The following STX3 variants were observed in gnomAD, a reference collection of about 807,000 sequenced individuals.
The protein encoded by STX3 is syntaxin 3.
STX3 carries 19 observed loss-of-function variants against 40.2 expected under a neutral mutation model. That is an observed-to-expected ratio of 0.47 (90% confidence interval 0.33 to 0.69). The LOEUF is 0.69. Among genes scored for constraint, STX3 ranks in the 30% least tolerant of loss-of-function variants. The pLI is 0.02. For missense variants in STX3, 364 were observed against 366.7 expected (o/e 0.99, Z 0.06); for synonymous variants, 122 against 132.2 (o/e 0.92, Z 0.53).
In STX3 at chr11:59,801,956, A is replaced by C. The variant is rs1865903030; in HGVS notation, c.*1132A>C. 1 of 985,342 alleles carries C rather than the reference A, an allele frequency of 1.0e-6. No homozygotes were observed. Among genetic ancestry groups the C allele is most frequent in the African/African-American group, 1.7e-5 (1 of 57,236 alleles). The allele number at this position is 985,342 out of a possible 1,614,324, so 61.0% of individuals were successfully genotyped here. On this transcript the variant is annotated 3_prime_UTR_variant, in exon 11 of 11. Transcript: ENST00000337979. ...TTGTTTTCTGGATGAATACTGGGAG[A>C]ATAAAATGAGAACTCTGGAGTGAGC...
intron 1 of STX3, among the ~76,000 whole-genome samples, chr11:59,763,642 T>C (rs1164593400): frequency 1.3e-5 from 2 of 152,222 alleles, no homozygotes; most frequent in Non-Finnish European, 2.9e-5. Flanking sequence ...CCCAGGCTAA[T>C]CCATATTGGA....
chr11:59,800,153 C>CT (rs1197359087), intron 10 of STX3: 18 of 985,242 alleles, frequency 1.8e-5, no homozygotes, highest in Middle Eastern at 5.2e-4. Flanking sequence ...TGTTAAGCTG[C>CT]TTTTTTTGTA....
Position 59,802,532 on chromosome 11 carries a change from C to A in STX3, c.*1708C>A. 1 of 985,846 alleles carries A rather than the reference C, an allele frequency of 1.0e-6. No individual in the cohort carries two copies. Among genetic ancestry groups the A allele is most frequent in the Non-Finnish European group, 1.2e-6 (1 of 829,926 alleles). The allele number at this position is 985,846 out of a possible 1,614,324, so 61.1% of individuals were successfully genotyped here. ...ATGTCAGACAGTGGATGGGCTCCAGCAACAAGAGACAAAATAACTAAAGGC... is the reference window on the plus strand; with the variant it reads ...ATGTCAGACAGTGGATGGGCTCCAGAAACAAGAGACAAAATAACTAAAGGC... On this transcript the variant is annotated 3_prime_UTR_variant, in exon 11 of 11. Coordinates refer to ENST00000337979, the MANE Select transcript of STX3 (RefSeq NM_004177.5).
chr11:59,792,728 G>A (rs545638757), intron 6 of STX3, among the ~76,000 whole-genome samples: 24 of 152,296 alleles, frequency 1.6e-4, no homozygotes, highest in South Asian at 1.2e-3. Context: ...GTTTAGGAGT[G>A]GCAGGTTGTC....
At chr11:59,766,150 CT>C (rs1863273462) in intron 1 of STX3, among the ~76,000 whole-genome samples, 1 of 152,188 alleles carries the variant, frequency 6.6e-6, no homozygotes, top group Non-Finnish European at 1.5e-5. Context: ...GGTCTGGCAC[CT>C]GTGGCAGGAA....
chr11:59,786,759 T>A (rs2134992101), intron 2 of STX3, among the ~76,000 whole-genome samples: 1 of 152,298 alleles, frequency 6.6e-6, no homozygotes, highest in Middle Eastern at 3.4e-3. Context: ...TTTTCTTAGC[T>A]CTTCTTGACT....
At chr11:59,777,983 G>A (rs1401237519) in intron 2 of STX3, among the ~76,000 whole-genome samples, 1 of 152,166 alleles carries the variant, frequency 6.6e-6, no homozygotes, top group African/African-American at 2.4e-5. Context: ...CAAGGGAAAA[G>A]CTCAGCAGAG....
chr11:59,789,297 G>T, intron 4 of STX3: 1 of 215,234 alleles, frequency 4.6e-6, no homozygotes, highest in South Asian at 6.2e-5. Context: ...CCCCCAGGCT[G>T]GAGTGCAGTG....
intron 1 of STX3, 129 bp downstream of exon 1, chr11:59,755,764 C>A: frequency 2.3e-6 from 3 of 1,279,440 alleles, no homozygotes; most frequent in South Asian, 1.6e-5. Context: ...GCCCCCACCG[C>A]TTCCCGCGCC....
At chr11:59,765,383 A>T (rs113780216) in intron 1 of STX3, among the ~76,000 whole-genome samples, 8 of 152,104 alleles carry the variant, frequency 5.3e-5, no homozygotes, top group Admixed American at 5.2e-4. Context: ...CAGTGTGCAC[A>T]TGGGTGTGTG....
intron 1 of STX3, among the ~76,000 whole-genome samples, chr11:59,769,425 A>C (rs1333039620): frequency 6.6e-6 from 1 of 152,142 alleles, no homozygotes; most frequent in African/African-American, 2.4e-5. Context: ...TTCAGTCCTC[A>C]TAAAGGTCAT....
At chr11:59,773,400 AG>A (rs1481971936) in intron 2 of STX3, 106 bp downstream of exon 2, 1 of 1,113,054 alleles carries the variant, frequency 9.0e-7, no homozygotes, top group Non-Finnish European at 1.3e-6. Flanking sequence ...GGAAGGTCAC[AG>A]TTTTTTGCTA....
intron 2 of STX3, among the ~76,000 whole-genome samples, chr11:59,782,486 CTAATT>C (rs1864456501): frequency 6.6e-6 from 1 of 152,224 alleles, no homozygotes; most frequent in Non-Finnish European, 1.5e-5. Flanking sequence ...CATGTATTGT[CTAATT>C]TAATCTTCAC....
At chr11:59,760,741 A>G (rs1247060229) in intron 1 of STX3, among the ~76,000 whole-genome samples, 2 of 152,200 alleles carry the variant, frequency 1.3e-5, no homozygotes, top group East Asian at 3.8e-4. Context: ...TTTACAAGTG[A>G]AGGAATTGAG....
chr11:59,773,800 CA>C (rs1863792299), intron 2 of STX3, among the ~76,000 whole-genome samples: 1 of 151,808 alleles, frequency 6.6e-6, no homozygotes, highest in Non-Finnish European at 1.5e-5. Flanking sequence ...GCCAACATGG[CA>C]AAACCCTGCC....
At chr11:59,769,001 A>G (rs925947634) in intron 1 of STX3, among the ~76,000 whole-genome samples, 1 of 152,184 alleles carries the variant, frequency 6.6e-6, no homozygotes, top group African/African-American at 2.4e-5. Context: ...TCCAAATAGT[A>G]TACATTGTAT....
Position 59,755,386 on chromosome 11 carries a change from C to G in STX3, c.-220C>G, listed in dbSNP as rs966373205. ...GCCGGCCCGGGAGCCGGATTTGGAG[C>G]GCGAGGCGCCGGTGGGGGCGGAGGG... is the stretch of plus-strand genomic sequence containing the variant. On this transcript the variant is annotated 5_prime_UTR_variant, in exon 1 of 11. Coordinates refer to ENST00000337979, the MANE Select transcript of STX3 (RefSeq NM_004177.5). 4 of 371,166 alleles carry G rather than the reference C, an allele frequency of 1.1e-5. No homozygotes were observed. The highest frequency in any genetic ancestry group is 1.8e-5 in the Non-Finnish European group (4 of 217,194). The allele number at this position is 371,166 out of a possible 1,614,324, so 23.0% of individuals were successfully genotyped here.
intron 8 of STX3, among the ~76,000 whole-genome samples, chr11:59,794,174 T>C (rs575348019): frequency 1.3e-5 from 2 of 152,234 alleles, no homozygotes; most frequent in Middle Eastern, 3.4e-3. Context: ...AGTAGCAAAA[T>C]AGCATTGACA....
chr11:59,785,630 C>T (rs1186538993), intron 2 of STX3, among the ~76,000 whole-genome samples: 1 of 152,128 alleles, frequency 6.6e-6, no homozygotes, highest in Non-Finnish European at 1.5e-5. Context: ...TGTGCCTGGC[C>T]TCTCCTATTT....
Sources: gnomAD v4.1 joint callset for allele counts (sites outside exome capture counted in the v4.1 genomes callset) on GRCh38, gnomAD v4.1.1 for gene constraint, MANE v1.5 for transcripts, NCBI Gene and HGNC (gene_info 2026-07-23, HGNC 2026-07-21) for gene names.